Variants in SYNE1 observed in about 807,000 individuals in gnomAD.
SYNE1 encodes the protein spectrin repeat containing nuclear envelope protein 1.
A neutral mutation model predicts 1,111.0 loss-of-function variants in SYNE1; 616 were observed. That is an observed-to-expected ratio of 0.55 (90% CI 0.52 to 0.59). The LOEUF (loss-of-function observed/expected upper bound fraction) is 0.59, where lower values mean the gene tolerates loss of function less well. Ranked by LOEUF, SYNE1 falls within the 20% of genes least tolerant of loss-of-function variation. The pLI, the probability that SYNE1 is intolerant of heterozygous loss-of-function variation, is 0.00. For synonymous variants in SYNE1, 3,855 were observed against 3,825.8 expected, an observed-to-expected ratio of 1.01 and a Z score of -0.28; for missense variants, 10,006 against 10,417.0, an observed-to-expected ratio of 0.96 and a Z score of 1.72.
At chr6:152,612,847 G>A (rs1384096559) in intron 3 of SYNE1, among the ~76,000 whole-genome samples, 1 of 152,128 alleles carries the variant, frequency 6.6e-6, no homozygotes, top group East Asian at 1.9e-4. Flanking sequence ...TTGAACATAT[G>A]CAAATCAGTA....
At chr6:152,295,461 G>T (rs531207519) in intron 93 of SYNE1, among the ~76,000 whole-genome samples, 3 of 152,010 alleles carry the variant, frequency 2.0e-5, no homozygotes, top group South Asian at 2.1e-4. Flanking sequence ...TGCTGTCATC[G>T]CTCAGCTGGA....
chr6:152,393,209 T>C (rs1277673622), intron 51 of SYNE1, among the ~76,000 whole-genome samples: 1 of 152,078 alleles, frequency 6.6e-6, no homozygotes, highest in Non-Finnish European at 1.5e-5. Flanking sequence ...GACCTTGAAT[T>C]TGGTGTTGAA....
chr6:152,444,692 A>G (rs973303314), intron 29 of SYNE1, 114 bp from the exon 30 acceptor site: 37 of 887,542 alleles, frequency 4.2e-5, no homozygotes, highest in Non-Finnish European at 5.8e-5. Context: ...TTTAAGGTGT[A>G]CTACGTGACT....
At chr6:152,297,814 TGTGTGTGTGCGC>T (rs199685920) in intron 93 of SYNE1, among the ~76,000 whole-genome samples, 22,851 of 115,086 alleles carry the variant, frequency 0.2, 2,010 homozygotes, top group South Asian at 0.29. Flanking sequence ...TGTGTGTGTG[TGTGTGTGTGCGC>T]GCGCACGTGG....
Position 152,316,921 on chromosome 6 carries a change from A to G in SYNE1, c.16638T>C (p.Ala5546=). 1 of 1,614,172 alleles carries G rather than the reference A, an allele frequency of 6.2e-7. No individual in the cohort carries two copies. The highest frequency in any genetic ancestry group is 8.5e-7 in the Non-Finnish European group (1 of 1,180,022). The change falls in exon 87 of 146, where the codon GCT becomes GCC. Residue 5546 remains alanine (A), a synonymous_variant. Transcript: ENST00000367255. ...CAATAGTTCCATGAGCCAAGACTTT[A>G]GCTTTTTCAATCCACTTCAAAATTA... The part of the protein sequence containing the change: ...LELILKWIEK[A]KVLAHGTIAW...
intron 4 of SYNE1, among the ~76,000 whole-genome samples, chr6:152,527,623 G>A (rs2099169535): frequency 6.6e-6 from 1 of 152,136 alleles, no homozygotes; most frequent in African/African-American, 2.4e-5. Flanking sequence ...GTAACCACTT[G>A]TACCCAAATT....
chr6:152,404,407 A>G (rs1193892347), intron 45 of SYNE1, 93 bp from the exon 46 acceptor site: 6 of 959,000 alleles, frequency 6.3e-6, no homozygotes, highest in African/African-American at 1.6e-5. Flanking sequence ...TTGTCGAAAT[A>G]CCCCAACTTT....
At chr6:152,473,784 G>C (rs906660345) in intron 14 of SYNE1, among the ~76,000 whole-genome samples, 4 of 152,160 alleles carry the variant, frequency 2.6e-5, no homozygotes, top group Non-Finnish European at 5.9e-5. Flanking sequence ...AGCACACTTG[G>C]AGTTATCACC....
At chr6:152,481,021 C>G (rs1250199825) in intron 14 of SYNE1, 1 of 330,596 alleles carries the variant, frequency 3.0e-6, no homozygotes, top group Non-Finnish European at 5.9e-6. Context: ...AATCATATAG[C>G]CATTGAAACA....
At chr6:152,349,212 C>T (rs1002015892) in intron 72 of SYNE1, among the ~76,000 whole-genome samples, 3 of 152,350 alleles carry the variant, frequency 2.0e-5, no homozygotes, top group South Asian at 2.1e-4. Context: ...ACGTCTATCA[C>T]GTGGTAAACA....
At chr6:152,538,534 CT>C (rs2127967610) in intron 4 of SYNE1, among the ~76,000 whole-genome samples, 1 of 151,476 alleles carries the variant, frequency 6.6e-6, no homozygotes, top group African/African-American at 2.4e-5. Flanking sequence ...ATTACTTTTA[CT>C]TTCTTTACAC....
At chr6:152,383,845 C>T (rs2097473413) in intron 55 of SYNE1, among the ~76,000 whole-genome samples, 1 of 152,200 alleles carries the variant, frequency 6.6e-6, no homozygotes, top group Non-Finnish European at 1.5e-5. Context: ...GCAGTTCAAA[C>T]TGGATCTGAT....
At chr6:152,225,008 G>C (rs1288207602) in intron 116 of SYNE1, among the ~76,000 whole-genome samples, 1 of 146,850 alleles carries the variant, frequency 6.8e-6, no homozygotes, top group African/African-American at 2.5e-5. Context: ...ATAAGAGGTT[G>C]ATACTTTTAA....
chr6:152,542,324 T>G (rs1303118618), intron 3 of SYNE1, among the ~76,000 whole-genome samples: 2 of 152,188 alleles, frequency 1.3e-5, no homozygotes, highest in African/African-American at 4.8e-5. Flanking sequence ...AATCTATCTA[T>G]AAAATTGACA....
At position 152,350,472 on chromosome 6, in the gene SYNE1, T is replaced by C. The variant is rs563997085; in HGVS notation, c.11734-137A>G. On this transcript the variant is annotated intron_variant, in intron 71 of 145. Coordinates refer to ENST00000367255, the MANE Select transcript of SYNE1 (RefSeq NM_182961.4). The stretch of plus-strand genomic sequence containing the variant: ...AAACTACCAGGAATGGAAAACAACA[T>C]AGTCATTATGCCAATTAAATATCCA... 5 of 1,467,182 alleles carry C rather than the reference T, an allele frequency of 3.4e-6. No individual in the cohort carries two copies. The Admixed American group carries it at 7.0e-5, about 21-fold the overall frequency. The allele number at this position is 1,467,182 out of a possible 1,614,324, so 90.9% of individuals were successfully genotyped here.
At chr6:152,169,229 G>A (rs2064465063) in intron 130 of SYNE1, among the ~76,000 whole-genome samples, 1 of 152,090 alleles carries the variant, frequency 6.6e-6, no homozygotes, top group Admixed American at 6.6e-5. Flanking sequence ...GGTCATGTGA[G>A]TTGACTGTTT....
chr6:152,160,518 T>G (rs943821332), intron 131 of SYNE1, among the ~76,000 whole-genome samples: 1 of 152,166 alleles, frequency 6.6e-6, no homozygotes, highest in African/African-American at 2.4e-5. Context: ...CTGAGTTGAA[T>G]AGCATTTCCC....
intron 83 of SYNE1, 71 bp downstream of exon 83, chr6:152,321,650 T>G: frequency 6.4e-7 from 1 of 1,571,810 alleles, no homozygotes; most frequent in Non-Finnish European, 8.8e-7. Flanking sequence ...TACAAACAAG[T>G]ATGTTCAACT....
intron 133 of SYNE1, among the ~76,000 whole-genome samples, chr6:152,154,539 T>TA (rs1354845747): frequency 1.3e-5 from 2 of 151,774 alleles, no homozygotes; most frequent in African/African-American, 4.8e-5. Flanking sequence ...ATTTTTATGG[T>TA]TTAAAAAAAT....
Sources: allele counts gnomAD v4.1 joint callset (sites outside exome capture counted in the v4.1 genomes callset), GRCh38; gene constraint gnomAD v4.1.1; transcripts MANE v1.5; gene names NCBI Gene and HGNC (gene_info 2026-07-23, HGNC 2026-07-21).